Variants in RCBTB2 observed in about 807,000 individuals in gnomAD.
RCBTB2 encodes the protein RCC1 and BTB domain containing protein 2.
Under a neutral mutation model 65.4 loss-of-function variants are expected in RCBTB2, and 55 were observed. The ratio of observed to expected loss-of-function variants is 0.84; its 90% CI spans 0.68 to 1.05. RCBTB2 has a LOEUF of 1.05. Among genes scored for constraint, RCBTB2 ranks in the 50% least tolerant of loss-of-function variants. RCBTB2 has a pLI of 0.00. For missense variants in RCBTB2, 599 were observed against 680.1 expected (o/e 0.88, Z 1.33); for synonymous variants, 220 against 255.2 (o/e 0.86, Z 1.31).
chr13:48,502,391 G>A (rs1254326113), intron 11 of RCBTB2, among the ~76,000 whole-genome samples: 3 of 151,998 alleles, frequency 2.0e-5, no homozygotes, highest in Non-Finnish European at 4.4e-5. Flanking sequence ...TACTCAATAG[G>A]CTAAGGCAAA....
At chr13:48,530,046 A>G (rs985556866) in intron 1 of RCBTB2, among the ~76,000 whole-genome samples, 2 of 151,476 alleles carry the variant, frequency 1.3e-5, no homozygotes, top group African/African-American at 4.8e-5. Flanking sequence ...GTGTGCCACC[A>G]TGCCTGGCTC....
chr13:48,495,752 G>A (rs1949938827), intron 14 of RCBTB2, among the ~76,000 whole-genome samples: 1 of 152,162 alleles, frequency 6.6e-6, no homozygotes, highest in Non-Finnish European at 1.5e-5. Context: ...GCTTTGACAG[G>A]TGAAAAGTTA....
intron 10 of RCBTB2, among the ~76,000 whole-genome samples, chr13:48,507,747 G>C (rs1350161220): frequency 1.3e-5 from 2 of 152,178 alleles, no homozygotes; most frequent in Non-Finnish European, 2.9e-5. Flanking sequence ...AACTACCTCA[G>C]AAGTCAAAGA....
At chr13:48,498,746 A>G (rs1397544339) in intron 13 of RCBTB2, among the ~76,000 whole-genome samples, 3 of 151,028 alleles carry the variant, frequency 2.0e-5, no homozygotes, top group African/African-American at 7.4e-5. Flanking sequence ...AAAAAAAATT[A>G]TCACTTGGGT....
At chr13:48,498,703 C>G (rs986000047) in intron 13 of RCBTB2, among the ~76,000 whole-genome samples, 3 of 151,718 alleles carry the variant, frequency 2.0e-5, no homozygotes, top group African/African-American at 7.3e-5. Flanking sequence ...GCACTCCAGC[C>G]TGGGCAACAA....
upstream of RCBTB2, chr13:48,533,253 GC>G: frequency 3.3e-6 from 1 of 301,268 alleles, no homozygotes; most frequent in Non-Finnish European, 6.6e-6. Context: ...GCCCACCGCC[GC>G]CCCTCCCCTT....
upstream of RCBTB2, among the ~76,000 whole-genome samples, chr13:48,533,973 C>A (rs979826462): frequency 6.6e-6 from 1 of 152,206 alleles, no homozygotes; most frequent in Non-Finnish European, 1.5e-5. Flanking sequence ...TTCCAAACCA[C>A]AGTGACCGTG....
intron 1 of RCBTB2, among the ~76,000 whole-genome samples, chr13:48,525,092 T>TAA (rs149664060): frequency 1.3e-5 from 2 of 151,266 alleles, no homozygotes; most frequent in African/African-American, 4.9e-5. Context: ...TGTGGAAATG[T>TAA]AAAAAAAAGC....
chr13:48,533,897 C>A (rs1952310967), upstream of RCBTB2, among the ~76,000 whole-genome samples: 1 of 152,186 alleles, frequency 6.6e-6, no homozygotes, highest in Admixed American at 6.5e-5. Flanking sequence ...CTGGCTGTTT[C>A]ATGAGGACAC....
intron 13 of RCBTB2, among the ~76,000 whole-genome samples, chr13:48,499,156 T>A (rs1350983738): frequency 7.4e-6 from 1 of 135,810 alleles, no homozygotes; most frequent in African/African-American, 3.5e-5. Context: ...TCTCTCTCTC[T>A]CTCTCTCTCT....
rs9331958 is a variant in RCBTB2, at chr13:48,523,777, C to T, written c.-120+882G>A. On this transcript the variant is annotated intron_variant, in intron 2 of 14. Coordinates refer to ENST00000344532, the MANE Select transcript of RCBTB2 (RefSeq NM_001268.4). ...CTAATGTGCTAAAATCATGAAAAAC[C>T]GATCCTGGGCTTTTGAGTAGGAAAT... 4.3e-3 allele frequency among the ~76,000 whole-genome samples: 656 copies of T among 152,226 alleles called. 1 individual carries two copies. Among genetic ancestry groups the T allele is most frequent in the Non-Finnish European group, 8.1e-3 (550 of 68,020 alleles).
chr13:48,531,065 TCTC>T lies in RCBTB2; in HGVS notation c.-219+1960_-219+1962del, dbSNP rs556193623. Reference sequence around the variant, plus strand: ...TGCACTCCCAATTCCCTTTCTCTGTTCTCCTTTTTCATTTTTTCATAGCATTTG... The same window carrying T: ...TGCACTCCCAATTCCCTTTCTCTGTTCTTTTTCATTTTTTCATAGCATTTG... On this transcript the variant is annotated intron_variant, in intron 1 of 14. Transcript: ENST00000344532. 8.7e-3 allele frequency among the ~76,000 whole-genome samples: 1,319 copies of T among 152,336 alleles called. 15 individuals carry two copies. Among genetic ancestry groups the T allele is most frequent in the Middle Eastern group, 0.027 (8 of 294 alleles).
upstream of RCBTB2, among the ~76,000 whole-genome samples, chr13:48,533,903 G>A (rs1300108119): frequency 1.3e-5 from 2 of 152,192 alleles, no homozygotes; most frequent in African/African-American, 2.4e-5. Context: ...GTTTCATGAG[G>A]ACACTGGTTC....
At chr13:48,502,152 G>A (rs775599872) in intron 11 of RCBTB2, among the ~76,000 whole-genome samples, 4 of 146,346 alleles carry the variant, frequency 2.7e-5, no homozygotes, top group South Asian at 4.1e-4. Flanking sequence ...GAGTAAATAC[G>A]CTAGTTAAAA....
intron 4 of RCBTB2, among the ~76,000 whole-genome samples, chr13:48,521,459 G>A (rs987902083): frequency 1.3e-5 from 2 of 152,210 alleles, no homozygotes; most frequent in Non-Finnish European, 2.9e-5. Flanking sequence ...GTAGACATAA[G>A]TTGGTTGACT....
At position 48,515,722 on chromosome 13, in the gene RCBTB2, G is replaced by C; in HGVS notation, c.62C>G (p.Ser21Ter). ...TCCCACATCTAACATCTTCAAAGAT[G>C]ACAGAGTAGCCTGTACTGGCTGAAA... ...DSGKPVQATLSSLKMLDVGKW... is the reference protein window; with the variant it reads ...DSGKPVQATL The change falls in exon 5 of 15, where the codon TCA becomes TGA. Residue 21 changes from serine to a stop codon, truncating the protein, a stop_gained. Transcript: ENST00000344532. LOFTEE classifies it high-confidence loss of function. The C allele has an allele frequency of 2.5e-6, 4 of 1,611,218 alleles. No homozygotes were observed. The highest frequency in any genetic ancestry group is 3.4e-6 in the Non-Finnish European group (4 of 1,179,248).
intron 9 of RCBTB2, 79 bp downstream of exon 9, chr13:48,511,691 A>G: frequency 8.1e-7 from 1 of 1,236,932 alleles, no homozygotes; most frequent in Non-Finnish European, 1.1e-6. Context: ...CCTGCCAACA[A>G]ATCTATGTTT....
intron 13 of RCBTB2, among the ~76,000 whole-genome samples, chr13:48,499,174 A>T (rs1950122109): frequency 6.8e-6 from 1 of 147,190 alleles, no homozygotes; most frequent in African/African-American, 2.7e-5. Flanking sequence ...TCTCTCACAC[A>T]CACACACACA....
intron 6 of RCBTB2, 103 bp from the exon 7 acceptor site, chr13:48,512,998 G>A (rs1484346375): frequency 2.1e-6 from 2 of 951,028 alleles, no homozygotes; most frequent in African/African-American, 1.6e-5. Context: ...AAATTCAGGT[G>A]CAAAAAGCTA....
Sources: allele counts gnomAD v4.1 joint callset (sites outside exome capture counted in the v4.1 genomes callset), GRCh38; gene constraint gnomAD v4.1.1; transcripts MANE v1.5; gene names NCBI Gene and HGNC (gene_info 2026-07-23, HGNC 2026-07-21).